TRAPPC9: variants seen among roughly 807,000 people sequenced by gnomAD.
TRAPPC9 encodes the protein trafficking protein particle complex subunit 9, also known as IKK2 binding protein.
TRAPPC9 carries 83 observed loss-of-function variants against 124.0 expected under a neutral mutation model. The ratio of observed to expected loss-of-function variants is 0.67; its 90% CI spans 0.56 to 0.80. The LOEUF is 0.80. Ranked by LOEUF, TRAPPC9 falls within the 30% of genes least tolerant of loss-of-function variation. The probability of loss-of-function intolerance (pLI) is 0.00; values close to 1 mark genes in which losing one functional copy is unlikely to be tolerated. For synonymous variants in TRAPPC9, 638 were observed against 617.5 expected (o/e 1.03, Z -0.49); for missense variants, 1,302 against 1,508.3 (o/e 0.86, Z 2.27).
intron 17 of TRAPPC9, among the ~76,000 whole-genome samples, chr8:140,129,448 G>A (rs537358550): frequency 3.3e-5 from 5 of 152,282 alleles, no homozygotes; most frequent in East Asian, 1.9e-4. Flanking sequence ...GAGAAGAAGC[G>A]ATCCCAGGGA....
intron 13 of TRAPPC9, among the ~76,000 whole-genome samples, chr8:140,285,848 C>T (rs1449357765): frequency 6.6e-6 from 1 of 152,182 alleles, no homozygotes; most frequent in Non-Finnish European, 1.5e-5. Context: ...CTCCGTATTC[C>T]CACTTGGGGC....
intron 21 of TRAPPC9, among the ~76,000 whole-genome samples, chr8:139,818,070 T>C (rs1457209374): frequency 6.6e-6 from 1 of 152,182 alleles, no homozygotes; most frequent in Non-Finnish European, 1.5e-5. Flanking sequence ...ACTATCCTGA[T>C]TTCATGGATG....
intron 17 of TRAPPC9, among the ~76,000 whole-genome samples, chr8:140,066,142 A>G (rs1212882573): frequency 1.3e-5 from 2 of 152,244 alleles, no homozygotes; most frequent in Admixed American, 6.5e-5. Context: ...GGGGCTCAAG[A>G]CTTTGGCAGA....
At chr8:139,854,863 T>C (rs548678390) in intron 21 of TRAPPC9, among the ~76,000 whole-genome samples, 3 of 152,234 alleles carry the variant, frequency 2.0e-5, no homozygotes, top group Non-Finnish European at 2.9e-5. Flanking sequence ...CCCTACGACC[T>C]GCCTGGGAAG....
intron 17 of TRAPPC9, among the ~76,000 whole-genome samples, chr8:140,161,849 C>T (rs1408529933): frequency 6.6e-6 from 1 of 152,060 alleles, no homozygotes; most frequent in Non-Finnish European, 1.5e-5. Context: ...GGGCAGGGCG[C>T]TACAGATGCA....
intron 17 of TRAPPC9, among the ~76,000 whole-genome samples, chr8:140,123,889 T>C (rs1161635497): frequency 6.6e-6 from 1 of 152,200 alleles, no homozygotes; most frequent in Non-Finnish European, 1.5e-5. Flanking sequence ...GGCTAGGTTA[T>C]GCTGTGGTAA....
intron 17 of TRAPPC9, among the ~76,000 whole-genome samples, chr8:140,072,857 G>A (rs1035905902): frequency 6.6e-6 from 1 of 151,922 alleles, no homozygotes; most frequent in African/African-American, 2.4e-5. Flanking sequence ...GAACTCCTAC[G>A]AGTCTATAAA....
intron 7 of TRAPPC9, 79 bp downstream of exon 7, chr8:140,397,541 G>T: frequency 1.9e-6 from 3 of 1,567,464 alleles, no homozygotes; most frequent in South Asian, 2.2e-5. Flanking sequence ...TCAGCAAAAC[G>T]AAATAAGCTG....
chr8:140,456,792 C>T (rs1055646838), intron 1 of TRAPPC9: 6 of 985,426 alleles, frequency 6.1e-6, no homozygotes, highest in Non-Finnish European at 6.0e-6. Context: ...AAGTCACTCC[C>T]CCATACCTTT....
intron 21 of TRAPPC9, among the ~76,000 whole-genome samples, chr8:139,796,941 G>A (rs1823142059): frequency 6.6e-6 from 1 of 152,192 alleles, no homozygotes; most frequent in African/African-American, 2.4e-5. Flanking sequence ...AGCCATCCTA[G>A]CTGGTGAAAA....
chr8:140,287,828 G>A (rs1200103812), intron 12 of TRAPPC9, 94 bp from the exon 13 acceptor site: 43 of 1,534,596 alleles, frequency 2.8e-5, no homozygotes, highest in African/African-American at 9.7e-5. Flanking sequence ...ATGGCACATC[G>A]GAACTGCTGG....
At chr8:140,452,921 T>C (rs754697095) in intron 1 of TRAPPC9, among the ~76,000 whole-genome samples, 1 of 152,158 alleles carries the variant, frequency 6.6e-6, no homozygotes, top group Non-Finnish European at 1.5e-5. Flanking sequence ...AAAATGAGGA[T>C]AGTAACACAT....
chr8:139,743,758 C>T (rs183591485), intron 21 of TRAPPC9, among the ~76,000 whole-genome samples: 85 of 152,308 alleles, frequency 5.6e-4, no homozygotes, highest in African/African-American at 2.0e-3. Context: ...GGGGGGCAGG[C>T]AGGCACATCC....
chr8:140,232,584 C>T (rs544478421), intron 16 of TRAPPC9, among the ~76,000 whole-genome samples: 4 of 152,282 alleles, frequency 2.6e-5, no homozygotes, highest in African/African-American at 7.2e-5. Flanking sequence ...GTCGAAGCCC[C>T]GGCCCCTCTG....
At position 140,450,951 on chromosome 8, in the gene TRAPPC9, G is replaced by C; in HGVS notation, c.423C>G (p.Cys141Trp). ...DVAFYPNYED[C>W]QTVEKRIEDF... ...CCTCGATTCTCTTCTCCACCGTCTG[G>C]CAGTCCTCGTAGTTGGGGTAGAAAG... Residue 141 changes from cysteine (C) to tryptophan (W), a missense_variant, in exon 2 of 23, where the codon TGC becomes TGG. Physicochemically the swap from Cys to Trp is radical, Grantham distance 215 (BLOSUM62 -2). This residue lies in a region of TRAPPC9 where 657 missense variants were observed against 811.2 expected (regional missense o/e 0.81). Transcript: ENST00000438773. 6.2e-7 allele frequency: 1 copy of C among 1,614,156 alleles called. No individual in the cohort carries two copies. Among genetic ancestry groups the C allele is most frequent in the South Asian group, 1.1e-5 (1 of 91,082 alleles).
At chr8:140,294,857 C>T (rs1254336045) in intron 11 of TRAPPC9, among the ~76,000 whole-genome samples, 1 of 152,262 alleles carries the variant, frequency 6.6e-6, no homozygotes, top group Non-Finnish European at 1.5e-5. Flanking sequence ...CTAATCCCCC[C>T]CACCTTGGCC....
Position 139,739,387 on chromosome 8 carries a change from G to A in TRAPPC9, c.3056-7185C>T, listed in dbSNP as rs990569984. ...AGGTAGTGTCACTTCCATGCTCCTC[G>A]CCTGCCTGGCCCGTGGCTTCTGTTT... is the stretch of plus-strand genomic sequence containing the variant. On this transcript the variant is annotated intron_variant, in intron 21 of 22. Coordinates refer to ENST00000438773, the MANE Select transcript of TRAPPC9 (RefSeq NM_001160372.4). 3.9e-5 allele frequency among the ~76,000 whole-genome samples: 6 copies of A among 152,164 alleles called. 1 individual carries two copies. Among genetic ancestry groups the A allele is most frequent in the Admixed American group, 2.6e-4 (4 of 15,282 alleles).
At chr8:140,442,467 C>T (rs534665070) in intron 2 of TRAPPC9, among the ~76,000 whole-genome samples, 70 of 151,704 alleles carry the variant, frequency 4.6e-4, no homozygotes, top group African/African-American at 1.7e-3. Flanking sequence ...GGCGTGGTGG[C>T]AGGCGCCGTA....
intron 21 of TRAPPC9, among the ~76,000 whole-genome samples, chr8:139,780,880 CAA>C (rs1298699312): frequency 3.3e-5 from 5 of 150,738 alleles, no homozygotes; most frequent in Non-Finnish European, 5.9e-5. Context: ...GACATTTCAA[CAA>C]AAAAGAGGGA....
Sources: allele counts gnomAD v4.1 joint callset (sites outside exome capture counted in the v4.1 genomes callset), GRCh38; gene constraint gnomAD v4.1.1; regional missense constraint gnomAD v4.1.1; transcripts MANE v1.5; gene names NCBI Gene and HGNC (gene_info 2026-07-23, HGNC 2026-07-21).